Variants in PCLO observed in about 807,000 individuals in gnomAD.
The protein encoded by PCLO is protein piccolo.
PCLO carries 82 observed loss-of-function variants against 427.5 expected under a neutral mutation model. The ratio of observed to expected loss-of-function variants is 0.19; its 90% CI spans 0.16 to 0.23. PCLO has a LOEUF of 0.23. Among genes scored for constraint, PCLO ranks in the 10% least tolerant of loss-of-function variants. The probability of loss-of-function intolerance (pLI) is 1.00; values close to 1 mark genes in which losing one functional copy is unlikely to be tolerated. For synonymous variants in PCLO, 2,357 were observed against 2,155.4 expected, an observed-to-expected ratio of 1.09 and a Z score of -2.59; for missense variants, 6,239 against 6,115.9, an observed-to-expected ratio of 1.02 and a Z score of -0.67.
intron 4 of PCLO, among the ~76,000 whole-genome samples, chr7:82,963,424 CT>C (rs1166307543): frequency 6.6e-6 from 1 of 151,526 alleles, no homozygotes; most frequent in Admixed American, 6.6e-5. Flanking sequence ...ATTGCCAATT[CT>C]TTTTTTCATA....
chr7:82,819,578 C>T (rs1243914771), intron 20 of PCLO, among the ~76,000 whole-genome samples: 2 of 152,000 alleles, frequency 1.3e-5, no homozygotes, highest in African/African-American at 2.4e-5. Flanking sequence ...TTTAGTAAGG[C>T]TAACAAGAAA....
At chr7:83,006,184 A>G (rs973636711) in intron 3 of PCLO, among the ~76,000 whole-genome samples, 21 of 151,692 alleles carry the variant, frequency 1.4e-4, no homozygotes, top group African/African-American at 4.8e-4. Context: ...AATTTACTCT[A>G]TACCATTTTA....
chr7:83,122,027 A>G (rs73180543), intron 3 of PCLO, among the ~76,000 whole-genome samples: 6,239 of 152,280 alleles, frequency 0.041, 156 homozygotes, highest in South Asian at 0.072. Context: ...TTAATGTGAT[A>G]CATCATATCA....
chr7:82,820,495 ATACT>A, intron 20 of PCLO: 2 of 1,204,200 alleles, frequency 1.7e-6, no homozygotes, highest in Non-Finnish European at 2.1e-6. Context: ...TGAAATAAAG[ATACT>A]TTATTTATTA....
Position 82,852,526 on chromosome 7 carries a change from C to CT in PCLO, c.13655-5280dup, listed in dbSNP as rs527392484. Among the ~76,000 whole-genome samples the CT allele has an allele frequency of 1.1e-4, 16 of 152,206 alleles. No homozygotes were observed. In the South Asian group the frequency reaches 3.1e-3, roughly 30 times the overall value. On this transcript the variant is annotated intron_variant, in intron 10 of 24. Transcript: ENST00000333891. ...GACTCCAAGTTCTTTAGCTTTTGGA[C>CT]TCTTGGATGTACACCAGTGGTTTGC...
At chr7:82,838,687 C>T (rs1352709167) in intron 14 of PCLO, among the ~76,000 whole-genome samples, 2 of 151,686 alleles carry the variant, frequency 1.3e-5, no homozygotes, top group South Asian at 4.2e-4. Flanking sequence ...TTATTAACAA[C>T]AATTCCTAGA....
chr7:82,907,540 T>C (rs909715703), intron 8 of PCLO, among the ~76,000 whole-genome samples: 6 of 152,032 alleles, frequency 3.9e-5, no homozygotes, highest in Non-Finnish European at 5.9e-5. Context: ...CCAGATCTAT[T>C]TGATGAGAGT....
rs1024310889 is a variant in PCLO, at chr7:82,757,497, T to G, written c.*1078A>C. 7 of 151,848 alleles carry G rather than the reference T, an allele frequency of 4.6e-5. No homozygotes were observed. Among genetic ancestry groups the G allele is most frequent in the East Asian group, 1.9e-4 (1 of 5,172 alleles). 9.4% of individuals were successfully genotyped at this position (151,848 alleles called of 1,614,324 possible). On this transcript the variant is annotated 3_prime_UTR_variant, in exon 25 of 25. Transcript: ENST00000333891. ...ACAATCAGTAAATGAATTAAGTCAT[T>G]AAGGAAAAAAGCATAAAATATTATG...
chr7:83,151,390 TA>T (rs201474038), intron 2 of PCLO, among the ~76,000 whole-genome samples: 2,249 of 152,340 alleles, frequency 0.015, 79 homozygotes, highest in African/African-American at 0.051. Flanking sequence ...ATTGCAACTT[TA>T]AAAGCACTTC....
chr7:82,874,194 A>G (rs1258265031), intron 10 of PCLO, among the ~76,000 whole-genome samples: 1 of 150,908 alleles, frequency 6.6e-6, no homozygotes, highest in Non-Finnish European at 1.5e-5. Context: ...TAAATCACTT[A>G]TTTCTTTATA....
chr7:82,820,238 C>A (rs1451001822), intron 20 of PCLO, among the ~76,000 whole-genome samples: 1 of 152,156 alleles, frequency 6.6e-6, no homozygotes, highest in Non-Finnish European at 1.5e-5. Flanking sequence ...GCAGCCCAAT[C>A]CCATTATTTA....
intron 22 of PCLO, among the ~76,000 whole-genome samples, chr7:82,793,217 T>C (rs1791143797): frequency 6.6e-6 from 1 of 152,174 alleles, no homozygotes; most frequent in Non-Finnish European, 1.5e-5. Flanking sequence ...ATTCGTGTTA[T>C]GGTGGAGATG....
At chr7:83,140,946 T>C (rs1478772665) in intron 2 of PCLO, among the ~76,000 whole-genome samples, 2 of 152,218 alleles carry the variant, frequency 1.3e-5, no homozygotes, top group African/African-American at 4.8e-5. Context: ...TGATTGGGTT[T>C]TCATCTGCTA....
At chr7:83,034,908 T>C (rs1038569091) in intron 3 of PCLO, among the ~76,000 whole-genome samples, 12 of 152,212 alleles carry the variant, frequency 7.9e-5, no homozygotes, top group Non-Finnish European at 1.3e-4. Flanking sequence ...TTGGTGATAG[T>C]TTTACCTCAA....
intron 3 of PCLO, among the ~76,000 whole-genome samples, chr7:83,057,317 C>CATATACAT (rs1224128461): frequency 5.8e-4 from 15 of 25,890 alleles, no homozygotes; most frequent in African/African-American, 2.0e-3. Context: ...ATTATATATA[C>CATATACAT]ATATATATAT....
chr7:82,868,220 A>G (rs1793144008), intron 10 of PCLO: 1 of 456,510 alleles, frequency 2.2e-6, no homozygotes, highest in African/African-American at 2.0e-5. Flanking sequence ...AAAAAAGCAT[A>G]AGCAGAAATA....
chr7:82,945,401 CA>C (rs59470955), intron 6 of PCLO, among the ~76,000 whole-genome samples: 10,902 of 151,918 alleles, frequency 0.072, 1,315 homozygotes, highest in African/African-American at 0.25. Context: ...TTGTCTCCTC[CA>C]AAAAAATGAT....
At chr7:83,091,071 C>T (rs561988059) in intron 3 of PCLO, among the ~76,000 whole-genome samples, 5 of 152,074 alleles carry the variant, frequency 3.3e-5, no homozygotes, top group Admixed American at 3.3e-4. Flanking sequence ...TTTTAGTTTC[C>T]TAGAAATTAA....
At chr7:82,835,842 A>C in intron 15 of PCLO, 149 bp from the exon 16 acceptor site, 1 of 655,138 alleles carries the variant, frequency 1.5e-6, no homozygotes, top group South Asian at 1.9e-5. Context: ...TGAGGCAGAA[A>C]ATGCTAGAAC....
Sources: allele counts gnomAD v4.1 joint callset (sites outside exome capture counted in the v4.1 genomes callset), GRCh38; gene constraint gnomAD v4.1.1; transcripts MANE v1.5; gene names NCBI Gene and HGNC (gene_info 2026-07-23, HGNC 2026-07-21).